The following PMS1 variants were observed in gnomAD, a reference collection of about 807,000 sequenced individuals.
PMS1 encodes PMS1 protein homolog 1.
PMS1 carries 79 observed loss-of-function variants against 93.1 expected under a neutral mutation model. The ratio of observed to expected loss-of-function variants is 0.85; its 90% CI spans 0.71 to 1.02. The LOEUF is 1.02. PMS1 is among the 50% of genes least tolerant of loss of function. The probability of loss-of-function intolerance (pLI) is 0.00; values close to 1 mark genes in which losing one functional copy is unlikely to be tolerated. For missense variants in PMS1, 1,064 were observed against 1,085.3 expected (o/e 0.98, Z 0.28); for synonymous variants, 335 against 363.4 (o/e 0.92, Z 0.89).
Position 189,854,807 on chromosome 2 carries a change from T to C in PMS1, c.1535T>C (p.Ile512Thr). 1 of 1,613,108 alleles carries C rather than the reference T, an allele frequency of 6.2e-7. No homozygotes were observed. Among genetic ancestry groups the C allele is most frequent in the Non-Finnish European group, 8.5e-7 (1 of 1,179,248 alleles). ...CTTAAAAATTCAGTGGGAGAGAATA[T>C]TGAACCTGTGAAAATTTTAGTGCCT... ...NILKNSVGEN[I>T]EPVKILVPEK... Residue 512 changes from isoleucine to threonine, a missense_variant, in exon 9 of 13, where the codon ATT (isoleucine) becomes ACT (threonine). By Grantham distance (89) the Ile-to-Thr change is moderately conservative. Transcript: ENST00000441310.
intron 3 of PMS1, among the ~76,000 whole-genome samples, chr2:189,797,046 A>G (rs2049423375): frequency 6.6e-6 from 1 of 152,144 alleles, no homozygotes; most frequent in Admixed American, 6.5e-5. Context: ...GCACATTGTA[A>G]ATCTCTAAGG....
chr2:189,824,439 G>A (rs2052244032), intron 5 of PMS1, among the ~76,000 whole-genome samples: 1 of 151,758 alleles, frequency 6.6e-6, no homozygotes, highest in African/African-American at 2.4e-5. Context: ...TAGTTTAATG[G>A]TTCTAATTTT....
intron 1 of PMS1, among the ~76,000 whole-genome samples, chr2:189,788,033 A>C (rs2048517550): frequency 6.6e-6 from 1 of 152,078 alleles, no homozygotes; most frequent in Non-Finnish European, 1.5e-5. Context: ...AAGAATGAGG[A>C]ATATTGGGAT....
chr2:189,862,688 G>A (rs1163651600), intron 9 of PMS1, among the ~76,000 whole-genome samples: 1 of 152,150 alleles, frequency 6.6e-6, no homozygotes, highest in Non-Finnish European at 1.5e-5. Flanking sequence ...TATTTTGTTA[G>A]GGAGAAGCTG....
intron 6 of PMS1, among the ~76,000 whole-genome samples, chr2:189,851,042 T>A (rs1274279311): frequency 1.3e-5 from 2 of 152,200 alleles, no homozygotes; most frequent in Non-Finnish European, 2.9e-5. Flanking sequence ...TAATTTTCAA[T>A]TTTGTTGCAC....
At chr2:189,798,502 G>A (rs895809556) in intron 3 of PMS1, among the ~76,000 whole-genome samples, 6 of 152,286 alleles carry the variant, frequency 3.9e-5, no homozygotes, top group African/African-American at 1.4e-4. Flanking sequence ...CTCAGCACTC[G>A]CTTTATTTGG....
chr2:189,864,359 T>G, intron 10 of PMS1, 131 bp downstream of exon 10: 1 of 787,488 alleles, frequency 1.3e-6, no homozygotes, highest in Non-Finnish European at 2.1e-6. Flanking sequence ...TTTAATCTTT[T>G]AAACATTTGA....
At chr2:189,814,836 G>T (rs1227911274) in intron 4 of PMS1, among the ~76,000 whole-genome samples, 1 of 152,106 alleles carries the variant, frequency 6.6e-6, no homozygotes, top group African/African-American at 2.4e-5. Context: ...TGTGGCTGAC[G>T]CCTGTAATCC....
chr2:189,860,737 C>T (rs1195373571), intron 9 of PMS1, among the ~76,000 whole-genome samples: 1 of 145,764 alleles, frequency 6.9e-6, no homozygotes, highest in Non-Finnish European at 1.5e-5. Context: ...GGTAGTGTTC[C>T]AAAATGTCAG....
chr2:189,856,964 A>T lies in PMS1; in HGVS notation c.1856+1836A>T, dbSNP rs571598654. ...TGGAATCAAGCTTACTTTCTCTCAC[A>T]TTGCCATAAAGTAGACAAAAGAGGC... is the stretch of plus-strand genomic sequence containing the variant. On this transcript the variant is annotated intron_variant, in intron 9 of 12. Transcript: ENST00000441310. Among the ~76,000 whole-genome samples the T allele has an allele frequency of 3.0e-4, 46 of 152,218 alleles. No homozygotes were observed. The South Asian group carries it at 3.1e-3, about 10-fold the overall frequency.
At chr2:189,838,258 T>G (rs2053551050) in intron 5 of PMS1, among the ~76,000 whole-genome samples, 1 of 152,206 alleles carries the variant, frequency 6.6e-6, no homozygotes, top group Non-Finnish European at 1.5e-5. Context: ...TTAACAGGTA[T>G]GGTGGTGTGA....
chr2:189,829,800 TA>T lies in PMS1; in HGVS notation c.582+11621del, dbSNP rs565898019. ...TAATCTGATTCCAGAGTAAATTCCG[TA>T]GGTCTATCTTTAAAATATATCCAGA... On this transcript the variant is annotated intron_variant, in intron 5 of 12. Transcript: ENST00000441310. 2.9e-4 allele frequency among the ~76,000 whole-genome samples: 44 copies of T among 152,330 alleles called. 1 individual carries two copies. In the South Asian group the frequency reaches 3.1e-3, roughly 11 times the overall value.
chr2:189,866,995 C>G lies in PMS1; in HGVS notation c.2343-804C>G, dbSNP rs2056719302. Among the ~76,000 whole-genome samples, 4 of 152,174 alleles carry G rather than the reference C, an allele frequency of 2.6e-5. No individual in the cohort carries two copies. The South Asian group carries it at 8.3e-4, about 31-fold the overall frequency. ...AAAGCTCTCTTCTCTATAATATTAG[C>G]TCTCACAGCCATTGGGGTCTTCAAC... is the stretch of plus-strand genomic sequence containing the variant. On this transcript the variant is annotated intron_variant, in intron 10 of 12. Coordinates refer to ENST00000441310, the MANE Select transcript of PMS1 (RefSeq NM_000534.5).
At chr2:189,799,640 G>T (rs1453892247) in intron 3 of PMS1, among the ~76,000 whole-genome samples, 1 of 152,210 alleles carries the variant, frequency 6.6e-6, no homozygotes, top group Non-Finnish European at 1.5e-5. Context: ...AACTTTTATA[G>T]TAGTAGGGGA....
intron 6 of PMS1, among the ~76,000 whole-genome samples, chr2:189,844,998 C>T (rs2054138051): frequency 6.6e-6 from 1 of 151,862 alleles, no homozygotes; most frequent in Admixed American, 6.6e-5. Context: ...GCTAGAATTA[C>T]AGGGGTATGC....
intron 1 of PMS1, among the ~76,000 whole-genome samples, chr2:189,788,452 T>C (rs2106197457): frequency 6.6e-6 from 1 of 152,336 alleles, no homozygotes. Flanking sequence ...TTTTATAGAT[T>C]AGGTGATTGC....
intron 5 of PMS1, among the ~76,000 whole-genome samples, chr2:189,818,759 T>G (rs893677327): frequency 1.1e-4 from 16 of 152,194 alleles, no homozygotes; most frequent in Admixed American, 2.0e-4. Context: ...GCAGACGTTT[T>G]TCATCTAAGA....
At chr2:189,793,131 A>G (rs2049043752) in intron 2 of PMS1, among the ~76,000 whole-genome samples, 1 of 152,010 alleles carries the variant, frequency 6.6e-6, no homozygotes. Flanking sequence ...CATTTTACAG[A>G]TAATGTTCTG....
chr2:189,815,484 C>T (rs910050353), intron 4 of PMS1, among the ~76,000 whole-genome samples: 3 of 152,162 alleles, frequency 2.0e-5, no homozygotes, highest in Non-Finnish European at 2.9e-5. Flanking sequence ...TGAGTTCTCA[C>T]GAGATCCAAT....
Sources: gnomAD v4.1 joint callset for allele counts (sites outside exome capture counted in the v4.1 genomes callset) on GRCh38, gnomAD v4.1.1 for gene constraint, MANE v1.5 for transcripts, NCBI Gene and HGNC (gene_info 2026-07-23, HGNC 2026-07-21) for gene names.